Variants in ITGBL1 observed in about 807,000 individuals in gnomAD.
The protein encoded by ITGBL1 is integrin subunit beta like 1.
ITGBL1 carries 51 observed loss-of-function variants against 68.5 expected under a neutral mutation model. The observed-to-expected ratio is 0.74, with a 90% CI of 0.59 to 0.94. The LOEUF is 0.94. Among genes scored for constraint, ITGBL1 ranks in the 40% least tolerant of loss-of-function variants. The probability of loss-of-function intolerance (pLI) is 0.00; values close to 1 mark genes in which losing one functional copy is unlikely to be tolerated. For missense variants in ITGBL1, 649 were observed against 647.4 expected (o/e 1.00, Z -0.03); for synonymous variants, 209 against 227.3 (o/e 0.92, Z 0.72).
chr13:101,604,887 T>TATATATGTATATATATATACACACAC, intron 7 of ITGBL1, among the ~76,000 whole-genome samples: 1 of 22,164 alleles, frequency 4.5e-5, no homozygotes, highest in African/African-American at 1.5e-4. Flanking sequence ...TATATATATA[T>TATATATGTATATATATATACACACAC]ACACACACAC....
At chr13:101,507,913 T>C (rs528548308) in intron 2 of ITGBL1, among the ~76,000 whole-genome samples, 1 of 152,290 alleles carries the variant, frequency 6.6e-6, no homozygotes, top group East Asian at 1.9e-4. Flanking sequence ...GGAATGTAGT[T>C]TTTAAGGCAC....
At chr13:101,480,417 C>T (rs1480055736) in intron 2 of ITGBL1, among the ~76,000 whole-genome samples, 1 of 151,418 alleles carries the variant, frequency 6.6e-6, no homozygotes, top group African/African-American at 2.4e-5. Flanking sequence ...TTTGATAGCT[C>T]AATGATGCTA....
At chr13:101,516,571 T>C (rs1044609182) in intron 2 of ITGBL1, among the ~76,000 whole-genome samples, 1 of 152,028 alleles carries the variant, frequency 6.6e-6, no homozygotes, top group Non-Finnish European at 1.5e-5. Flanking sequence ...AAAGAAAAGG[T>C]AGAAAAAATG....
intron 7 of ITGBL1, among the ~76,000 whole-genome samples, chr13:101,630,360 T>C (rs895039630): frequency 6.6e-6 from 1 of 152,126 alleles, no homozygotes; most frequent in East Asian, 1.9e-4. Context: ...AAATGCTCCA[T>C]TTTTGCTGTT....
chr13:101,640,681 C>A (rs372929453), intron 7 of ITGBL1, among the ~76,000 whole-genome samples: 2 of 152,174 alleles, frequency 1.3e-5, no homozygotes, highest in African/African-American at 4.8e-5. Context: ...TACATGGGTA[C>A]ACTGTGTGAT....
intron 7 of ITGBL1, among the ~76,000 whole-genome samples, chr13:101,607,077 G>C (rs1436231395): frequency 6.6e-6 from 1 of 151,604 alleles, no homozygotes; most frequent in Non-Finnish European, 1.5e-5. Flanking sequence ...AAAAAACCAT[G>C]CATATATTTT....
chr13:101,624,924 A>G (rs529859908), intron 7 of ITGBL1, among the ~76,000 whole-genome samples: 2 of 152,324 alleles, frequency 1.3e-5, no homozygotes, highest in African/African-American at 4.8e-5. Flanking sequence ...CATATACCAA[A>G]TTAAAAGAGG....
At chr13:101,619,374 AAG>A (rs997719831) in intron 7 of ITGBL1, among the ~76,000 whole-genome samples, 1 of 152,060 alleles carries the variant, frequency 6.6e-6, no homozygotes, top group Admixed American at 6.6e-5. Flanking sequence ...ATGGGAAAGA[AAG>A]AGTCAGAATC....
At chr13:101,612,918 G>A (rs954226614) in intron 7 of ITGBL1, among the ~76,000 whole-genome samples, 3 of 152,100 alleles carry the variant, frequency 2.0e-5, no homozygotes, top group African/African-American at 7.2e-5. Context: ...CTCAGCGTCC[G>A]TAGCTTATCA....
intron 2 of ITGBL1, among the ~76,000 whole-genome samples, chr13:101,555,684 TTG>T (rs35243452): frequency 1.3e-5 from 2 of 151,456 alleles, no homozygotes; most frequent in South Asian, 2.1e-4. Context: ...TTTAAGTGTT[TTG>T]TGTGTGTGTG....
chr13:101,603,123 A>G (rs1156290122), intron 7 of ITGBL1, among the ~76,000 whole-genome samples: 1 of 151,844 alleles, frequency 6.6e-6, no homozygotes, highest in Non-Finnish European at 1.5e-5. Context: ...TCATAGAGTG[A>G]CTCTGTTTTA....
chr13:101,635,617 TGG>T (rs1337839492), intron 7 of ITGBL1, among the ~76,000 whole-genome samples: 2 of 152,064 alleles, frequency 1.3e-5, no homozygotes, highest in Non-Finnish European at 2.9e-5. Flanking sequence ...CTGATTCCCA[TGG>T]TAAAGACAGA....
chr13:101,484,287 A>C (rs540634029), intron 2 of ITGBL1, among the ~76,000 whole-genome samples: 5 of 152,136 alleles, frequency 3.3e-5, no homozygotes, highest in Non-Finnish European at 7.4e-5. Flanking sequence ...ATTACAAAAT[A>C]CCTAGAACTG....
intron 6 of ITGBL1, among the ~76,000 whole-genome samples, chr13:101,591,199 G>A (rs544145163): frequency 3.3e-5 from 5 of 152,272 alleles, no homozygotes; most frequent in East Asian, 1.9e-4. Flanking sequence ...CACCACGTCC[G>A]ATGGGAACTT....
intron 8 of ITGBL1, among the ~76,000 whole-genome samples, chr13:101,694,706 G>GCCA (rs1457528962): frequency 1.3e-5 from 2 of 152,128 alleles, no homozygotes; most frequent in African/African-American, 4.8e-5. Flanking sequence ...ACAGGTGTGA[G>GCCA]CCACTGAGCC....
rs1276704089 is a variant in ITGBL1 at position 101,490,095 on chromosome 13, G to A, written c.316+35995G>A. ...TTCTGTGTTGAAATTCTAACCCCCAGTGTGATGGTATTTGGAGGTGGGGCC... is the reference window on the plus strand; with the variant it reads ...TTCTGTGTTGAAATTCTAACCCCCAATGTGATGGTATTTGGAGGTGGGGCC... On this transcript the variant is annotated intron_variant, in intron 2 of 10. Transcript: ENST00000376180. 14 of 793,992 alleles carry A rather than the reference G, an allele frequency of 1.8e-5. No individual in the cohort carries two copies. The South Asian group carries it at 2.2e-4, about 12-fold the overall frequency. The allele number at this position is 793,992 out of a possible 1,614,324, so 49.2% of individuals were successfully genotyped here.
chr13:101,558,695 C>T lies in ITGBL1; in HGVS notation c.317-9004C>T, dbSNP rs146441920. On this transcript the variant is annotated intron_variant, in intron 2 of 10. Transcript: ENST00000376180. ...GATGAAACGGCAGAGGAAGATAATT[C>T]CGATACCCTCTTAAAGGGACATGCC... 3.6e-3 allele frequency among the ~76,000 whole-genome samples: 545 copies of T among 152,244 alleles called. 4 individuals carry two copies. Among genetic ancestry groups the T allele is most frequent in the Non-Finnish European group, 5.1e-3 (344 of 68,006 alleles).
intron 8 of ITGBL1, among the ~76,000 whole-genome samples, chr13:101,695,890 A>G (rs370919204): frequency 3.9e-5 from 6 of 152,198 alleles, no homozygotes; most frequent in African/African-American, 1.2e-4. Context: ...GATGAATTGA[A>G]CTATAAGCAG....
chr13:101,653,668 A>G (rs2032825329), intron 7 of ITGBL1, among the ~76,000 whole-genome samples: 1 of 151,990 alleles, frequency 6.6e-6, no homozygotes, highest in East Asian at 1.9e-4. Flanking sequence ...CCACACAGTA[A>G]GAGATGAATA....
Sources: allele counts gnomAD v4.1 joint callset (sites outside exome capture counted in the v4.1 genomes callset), GRCh38; gene constraint gnomAD v4.1.1; transcripts MANE v1.5; gene names NCBI Gene and HGNC (gene_info 2026-07-23, HGNC 2026-07-21).